PRDM15: variants seen among roughly 807,000 people sequenced by gnomAD.
PRDM15 encodes the protein PR domain zinc finger protein 15.
Under a neutral mutation model 128.6 loss-of-function variants are expected in PRDM15, and 64 were observed. That is an observed-to-expected ratio of 0.50 (90% CI 0.41 to 0.61). PRDM15 has a LOEUF of 0.61. Among genes scored for constraint, PRDM15 ranks in the 20% least tolerant of loss-of-function variants. The pLI, the probability that PRDM15 is intolerant of heterozygous loss-of-function variation, is 0.00. For missense variants in PRDM15, 1,242 were observed against 1,569.1 expected, an observed-to-expected ratio of 0.79 and a Z score of 3.52; for synonymous variants, 615 against 621.8, an observed-to-expected ratio of 0.99 and a Z score of 0.16.
chr21:41,804,675 A>C, intron 21 of PRDM15, 61 bp from the exon 22 acceptor site: 1 of 1,360,396 alleles, frequency 7.4e-7, no homozygotes, highest in South Asian at 1.4e-5. Context: ...GTGGGAACCC[A>C]GAAGCCACAC....
At chr21:41,856,712 T>G (rs2063646284) in intron 4 of PRDM15, among the ~76,000 whole-genome samples, 1 of 152,226 alleles carries the variant, frequency 6.6e-6, no homozygotes, top group African/African-American at 2.4e-5. Context: ...CAGTCTGATG[T>G]GCTTTTTAGA....
chr21:41,865,277 C>T (rs529691374), intron 1 of PRDM15, among the ~76,000 whole-genome samples: 4 of 152,312 alleles, frequency 2.6e-5, no homozygotes, highest in South Asian at 2.1e-4. Flanking sequence ...CTGTCCACAG[C>T]GTGGCATGCT....
chr21:41,873,804 G>T (rs758695881), intron 1 of PRDM15, among the ~76,000 whole-genome samples: 1 of 152,134 alleles, frequency 6.6e-6, no homozygotes, highest in Non-Finnish European at 1.5e-5. Context: ...CAGCACTTTG[G>T]GGGGCCAAGG....
In PRDM15 at chr21:41,802,835, T is replaced by C. The variant is rs775142077; in HGVS notation, c.2820A>G (p.Pro940=). ...AKRSHKRKQK[P]EEEAGAPVPE... is the part of the protein sequence containing the mutation. ...GCACCGGAGCACCCGCCTCCTCTTC[T>C]GGCTTCTGCTTTCTCTTGTGACTTC... Residue 940 remains proline, a synonymous_variant, in exon 23 of 24, where the codon CCA becomes CCG. Coordinates refer to ENST00000398548, the MANE Select transcript of PRDM15 (RefSeq NM_001040424.3). The C allele has an allele frequency of 4.3e-6, 7 of 1,614,108 alleles. No homozygotes were observed. In the East Asian group the frequency reaches 6.7e-5, roughly 15 times the overall value.
Position 41,859,565 on chromosome 21 carries a change from G to A in PRDM15, c.131+27C>T. 6.3e-7 allele frequency: 1 copy of A among 1,590,334 alleles called. No individual in the cohort carries two copies. The highest frequency in any genetic ancestry group is 8.6e-7 in the Non-Finnish European group (1 of 1,159,536). ...TCCTGCCGCAGCTGGCATATGGAAG[G>A]CCCGGGAGCTCACGGCGGTCACTCA... On this transcript the variant is annotated intron_variant, in intron 3 of 23. Coordinates refer to ENST00000398548, the MANE Select transcript of PRDM15 (RefSeq NM_001040424.3). The surrounding 1 kb of genome is among the most constrained non-coding windows in gnomAD (Gnocchi z 5.3).
intron 1 of PRDM15, among the ~76,000 whole-genome samples, chr21:41,869,979 G>A (rs1283703034): frequency 2.0e-5 from 3 of 152,176 alleles, no homozygotes; most frequent in South Asian, 2.1e-4. Flanking sequence ...CACCACGCTC[G>A]GCGGAGCCCA....
At chr21:41,819,498 A>AG in intron 18 of PRDM15, 84 bp downstream of exon 18, 4 of 453,198 alleles carry the variant, frequency 8.8e-6, no homozygotes, top group Admixed American at 3.8e-5. Context: ...CCACACTCCC[A>AG]GTTCTCGCTC....
intron 4 of PRDM15, among the ~76,000 whole-genome samples, chr21:41,856,704 G>A (rs1307150955): frequency 6.6e-6 from 1 of 152,188 alleles, no homozygotes; most frequent in Non-Finnish European, 1.5e-5. Flanking sequence ...TCTTCTCTCA[G>A]TCTGATGTGC....
intron 21 of PRDM15, among the ~76,000 whole-genome samples, chr21:41,806,356 C>T (rs894616853): frequency 1.5e-5 from 1 of 68,518 alleles, no homozygotes; most frequent in Non-Finnish European, 3.1e-5. Context: ...CCACCATCAC[C>T]ACCACCACCA....
At chr21:41,818,345 C>T (rs910414719) in intron 18 of PRDM15, among the ~76,000 whole-genome samples, 1 of 152,236 alleles carries the variant, frequency 6.6e-6, no homozygotes, top group Non-Finnish European at 1.5e-5. Flanking sequence ...GAGAAACCAC[C>T]GCAGTGGCTC....
chr21:41,822,773 G>A lies in PRDM15; in HGVS notation c.1761+545C>T, dbSNP rs866247469. ...TTTGGGGTGGGGCATGGTGGCTCAC[G>A]CCTGTAATCGCAGCACTTTGGGAGG... is the stretch of plus-strand genomic sequence containing the variant. On this transcript the variant is annotated intron_variant, in intron 14 of 23. Coordinates refer to ENST00000398548, the MANE Select transcript of PRDM15 (RefSeq NM_001040424.3). Among the ~76,000 whole-genome samples, 27 of 152,248 alleles carry A rather than the reference G, an allele frequency of 1.8e-4. No homozygotes were observed. The Middle Eastern group carries it at 0.01, about 58-fold the overall frequency.
At chr21:41,873,403 T>G (rs1051020194) in intron 1 of PRDM15, among the ~76,000 whole-genome samples, 1 of 152,250 alleles carries the variant, frequency 6.6e-6, no homozygotes, top group Non-Finnish European at 1.5e-5. Flanking sequence ...GAACGCCCAA[T>G]GTCCAAGGAA....
intron 11 of PRDM15, among the ~76,000 whole-genome samples, chr21:41,835,166 C>T (rs535811214): frequency 3.3e-5 from 5 of 152,290 alleles, no homozygotes; most frequent in South Asian, 2.1e-4. Flanking sequence ...GAACGGACCC[C>T]GGCTTTACAA....
In PRDM15 at chr21:41,803,112, T is replaced by C. The variant is rs2146143391; in HGVS notation, c.2734-191A>G. The C allele has an allele frequency of 5.0e-6, 3 of 600,780 alleles. No homozygotes were observed. The South Asian group carries it at 6.0e-5, about 12-fold the overall frequency. The allele number at this position is 600,780 out of a possible 1,614,324, so 37.2% of individuals were successfully genotyped here. On this transcript the variant is annotated intron_variant, in intron 22 of 23. Transcript: ENST00000398548. ...TAAGGATCGGGGCAAGTTCCTTTAG[T>C]TGCAGATTTAAAAAAAAAATACATG...
At position 41,821,984 on chromosome 21, in the gene PRDM15, C is replaced by A. The variant is rs1415060454; in HGVS notation, c.1815G>T (p.Gly605=). Residue 605 remains glycine, a synonymous_variant, in exon 15 of 24, where the codon GGG becomes GGT. Coordinates refer to ENST00000398548, the MANE Select transcript of PRDM15 (RefSeq NM_001040424.3). This position sits in a 1 kb window ranked among gnomAD's most constrained non-coding sequence, Gnocchi z 5.4. The stretch of plus-strand genomic sequence containing the variant: ...TGTCATCGTTTTCTTCCGAGGAGAT[C>A]CCGATCTTGCCGATAAACTCTTCCC... The part of the protein sequence containing the change: ...HQREEFIGKI[G]ISSEENDDNS... 2 of 1,614,210 alleles carry A rather than the reference C, an allele frequency of 1.2e-6. No individual in the cohort carries two copies. The highest frequency in any genetic ancestry group is 2.2e-5 in the South Asian group (2 of 91,086).
At position 41,839,761 on chromosome 21, in the gene PRDM15, G is replaced by A. The variant is rs374407600; in HGVS notation, c.733C>T (p.Arg245Trp). Residue 245 changes from arginine (R) to tryptophan (W), a missense_variant, in exon 7 of 24, where the codon CGG (arginine) becomes TGG (tryptophan). Arg to Trp is a moderately radical substitution (Grantham distance 101). This residue lies in a region of PRDM15 where 612 missense variants were observed against 717.0 expected (regional missense o/e 0.85). Coordinates refer to ENST00000398548, the MANE Select transcript of PRDM15 (RefSeq NM_001040424.3). ...AAPEKEQDTP[R>W]GEPPAVPESE... ...TCGGGCACTGCAGGGGGTTCCCCCC[G>A]GGGTGTGTCCTGCTCCTTCTCGGGA... 1.6e-5 allele frequency: 26 copies of A among 1,614,238 alleles called. No homozygotes were observed. The highest frequency in any genetic ancestry group is 1.3e-4 in the East Asian group (6 of 44,884).
intron 1 of PRDM15, among the ~76,000 whole-genome samples, chr21:41,873,951 T>C (rs2064304572): frequency 6.7e-6 from 1 of 149,478 alleles, no homozygotes; most frequent in African/African-American, 2.5e-5. Context: ...GAGGCTGAGG[T>C]GGGAAGATTG....
At chr21:41,806,641 T>TCAC (rs2061675219) in intron 21 of PRDM15, among the ~76,000 whole-genome samples, 1 of 2,838 alleles carries the variant, frequency 3.5e-4, no homozygotes, top group Non-Finnish European at 8.9e-4. Flanking sequence ...ACCACCACCA[T>TCAC]CACCACCACC....
At chr21:41,816,041 A>G (rs934581218) in intron 18 of PRDM15, among the ~76,000 whole-genome samples, 3 of 152,234 alleles carry the variant, frequency 2.0e-5, no homozygotes. Flanking sequence ...ACTGACTGCA[A>G]CATCAGGTTC....
Sources: allele counts gnomAD v4.1 joint callset (sites outside exome capture counted in the v4.1 genomes callset), GRCh38; gene constraint gnomAD v4.1.1; regional missense constraint gnomAD v4.1.1; non-coding constraint Gnocchi (gnomAD v3.1); transcripts MANE v1.5; gene names NCBI Gene and HGNC (gene_info 2026-07-23, HGNC 2026-07-21).